NKAIN3: variants seen among roughly 807,000 people sequenced by gnomAD.
NKAIN3 encodes sodium/potassium-transporting ATPase subunit beta-1-interacting protein 3.
Under a neutral mutation model 30.2 loss-of-function variants are expected in NKAIN3, and 25 were observed. The ratio of observed to expected loss-of-function variants is 0.83; its 90% CI spans 0.60 to 1.16. The LOEUF is 1.16. Among genes scored for constraint, NKAIN3 ranks in the 50% most tolerant of loss-of-function variants. The pLI, the probability that NKAIN3 is intolerant of heterozygous loss-of-function variation, is 0.00. For synonymous variants in NKAIN3, 91 were observed against 89.6 expected (o/e 1.02, Z -0.09); for missense variants, 225 against 254.1 (o/e 0.89, Z 0.78).
At chr8:62,450,401 A>G (rs1805605727) in intron 1 of NKAIN3, among the ~76,000 whole-genome samples, 1 of 152,150 alleles carries the variant, frequency 6.6e-6, no homozygotes, top group Admixed American at 6.5e-5. Flanking sequence ...TTACACTTCA[A>G]ACCTGCTAAA....
intron 4 of NKAIN3, chr8:62,856,500 G>A (rs1192692768): frequency 3.8e-6 from 3 of 784,476 alleles, no homozygotes; most frequent in African/African-American, 1.7e-5. Context: ...AGTCAAGGAA[G>A]ATACCTGTAT....
intron 1 of NKAIN3, among the ~76,000 whole-genome samples, chr8:62,488,699 A>C (rs1318072389): frequency 6.6e-6 from 1 of 152,218 alleles, no homozygotes; most frequent in Non-Finnish European, 1.5e-5. Context: ...TATTATCAGT[A>C]GGAGATAACG....
intron 1 of NKAIN3, among the ~76,000 whole-genome samples, chr8:62,493,400 A>T (rs1585868992): frequency 6.6e-6 from 1 of 152,122 alleles, no homozygotes; most frequent in African/African-American, 2.4e-5. Flanking sequence ...TTTTTATACC[A>T]GTACCATGTT....
chr8:62,519,218 C>G (rs1209465135), intron 1 of NKAIN3, among the ~76,000 whole-genome samples: 1 of 151,982 alleles, frequency 6.6e-6, no homozygotes, highest in Non-Finnish European at 1.5e-5. Context: ...TTCAAAAGGT[C>G]AAGGAAAAGA....
intron 5 of NKAIN3, chr8:62,991,105 A>T (rs544972408): frequency 6.6e-6 from 1 of 152,416 alleles, no homozygotes; most frequent in East Asian, 1.9e-4. Flanking sequence ...AAAGAGGTGA[A>T]CAATGTTCAG....
intron 3 of NKAIN3, among the ~76,000 whole-genome samples, chr8:62,726,033 T>A (rs1815246211): frequency 6.6e-6 from 1 of 152,054 alleles, no homozygotes; most frequent in African/African-American, 2.4e-5. Flanking sequence ...TGTTTTATAA[T>A]TTTTATTGTA....
At chr8:62,773,006 T>A (rs1817072851) in intron 4 of NKAIN3, among the ~76,000 whole-genome samples, 1 of 152,102 alleles carries the variant, frequency 6.6e-6, no homozygotes, top group African/African-American at 2.4e-5. Context: ...CATATATATT[T>A]GTCTGAGCTG....
intron 1 of NKAIN3, among the ~76,000 whole-genome samples, chr8:62,453,620 G>A (rs931770775): frequency 6.6e-6 from 1 of 151,900 alleles, no homozygotes; most frequent in African/African-American, 2.4e-5. Flanking sequence ...AATAAGATAG[G>A]TAGACCACTA....
rs1823961273 is a variant in NKAIN3 at position 62,977,179 on chromosome 8, A to G, written c.*11772A>G. 1.3e-5 allele frequency among the ~76,000 whole-genome samples: 2 copies of G among 152,040 alleles called. No individual in the cohort carries two copies. Among genetic ancestry groups the G allele is most frequent in the South Asian group, 2.1e-4 (1 of 4,824 alleles). On this transcript the variant is annotated 3_prime_UTR_variant, in exon 7 of 7. Coordinates refer to ENST00000623646, the MANE Select transcript of NKAIN3 (RefSeq NM_001304533.3). ...ATGTGTCTTGGGGTTGCTCTTCTCA[A>G]AGAGTATCTTTGTGGTGTTCTCTGT...
intron 1 of NKAIN3, among the ~76,000 whole-genome samples, chr8:62,572,114 T>C (rs1809963398): frequency 6.6e-6 from 1 of 152,220 alleles, no homozygotes; most frequent in Non-Finnish European, 1.5e-5. Flanking sequence ...TTCTATGCTC[T>C]GTTTCCCTTT....
chr8:62,361,010 TAAAAAAA>T (rs3085311), intron 1 of NKAIN3, among the ~76,000 whole-genome samples: 138,783 of 146,086 alleles, frequency 0.95, 65,931 homozygotes, highest in East Asian at 0.99. Flanking sequence ...ATTCCCCAGC[TAAAAAAA>T]AAAAAAAAAA....
In NKAIN3 at chr8:62,969,833, T is replaced by C. The variant is rs771259314; in HGVS notation, c.*4426T>C. Among the ~76,000 whole-genome samples, 3 of 152,132 alleles carry C rather than the reference T, an allele frequency of 2.0e-5. No individual in the cohort carries two copies. Among genetic ancestry groups the C allele is most frequent in the Non-Finnish European group, 2.9e-5 (2 of 68,014 alleles). On this transcript the variant is annotated 3_prime_UTR_variant, in exon 7 of 7. Transcript: ENST00000623646. ...TGATAAATAGGCCACAACTTAAGGATATTATGCCCAAAAGTGAACTGACAG... is the reference window on the plus strand; with the variant it reads ...TGATAAATAGGCCACAACTTAAGGACATTATGCCCAAAAGTGAACTGACAG...
chr8:62,709,830 C>A (rs971492698), intron 3 of NKAIN3, among the ~76,000 whole-genome samples: 3 of 151,978 alleles, frequency 2.0e-5, no homozygotes, highest in East Asian at 3.9e-4. Flanking sequence ...AGTTTTTGCT[C>A]TTTCATTCTT....
At chr8:62,568,891 A>G (rs2130009280) in intron 1 of NKAIN3, among the ~76,000 whole-genome samples, 1 of 152,304 alleles carries the variant, frequency 6.6e-6, no homozygotes, top group African/African-American at 2.4e-5. Context: ...GAGCTAGTTC[A>G]AGGAACAACC....
At chr8:62,835,383 C>A (rs1386183946) in intron 4 of NKAIN3, among the ~76,000 whole-genome samples, 1 of 152,098 alleles carries the variant, frequency 6.6e-6, no homozygotes, top group African/African-American at 2.4e-5. Context: ...AGTAAACAGA[C>A]AACCTACAGA....
At chr8:62,441,288 A>G (rs1032513867) in intron 1 of NKAIN3, among the ~76,000 whole-genome samples, 1 of 152,100 alleles carries the variant, frequency 6.6e-6, no homozygotes, top group Non-Finnish European at 1.5e-5. Context: ...GTATGCCTTC[A>G]TATCTGATAA....
chr8:62,792,405 C>T (rs988832308), intron 4 of NKAIN3, among the ~76,000 whole-genome samples: 3 of 140,544 alleles, frequency 2.1e-5, no homozygotes, highest in Non-Finnish European at 3.1e-5. Context: ...AACCTATTCT[C>T]AAACTTTCAA....
intron 1 of NKAIN3, among the ~76,000 whole-genome samples, chr8:62,548,540 T>C (rs1432286252): frequency 6.6e-6 from 1 of 152,170 alleles, no homozygotes; most frequent in Non-Finnish European, 1.5e-5. Context: ...CACAGAGTCC[T>C]GGGCACCTTT....
chr8:62,400,163 C>CTTTTTTTTTT (rs71255333), intron 1 of NKAIN3, among the ~76,000 whole-genome samples: 4 of 122,230 alleles, frequency 3.3e-5, no homozygotes, highest in Admixed American at 8.4e-5. Context: ...GCTATATTTT[C>CTTTTTTTTTT]TTTTTTTTTT....
Sources: gnomAD v4.1 joint callset for allele counts (sites outside exome capture counted in the v4.1 genomes callset) on GRCh38, gnomAD v4.1.1 for gene constraint, MANE v1.5 for transcripts, NCBI Gene and HGNC (gene_info 2026-07-23, HGNC 2026-07-21) for gene names.